LRRTM4: variants seen among roughly 807,000 people sequenced by gnomAD.
The protein encoded by LRRTM4 is leucine-rich repeat transmembrane neuronal protein 4.
In LRRTM4, 25 loss-of-function variants were observed where a neutral mutation model predicts 47.6. The ratio of observed to expected loss-of-function variants is 0.53; its 90% CI spans 0.38 to 0.73. The LOEUF (loss-of-function observed/expected upper bound fraction) is 0.73, where lower values mean the gene tolerates loss of function less well. Ranked by LOEUF, LRRTM4 falls within the 30% of genes least tolerant of loss-of-function variation. The pLI is 0.00. For synonymous variants in LRRTM4, 311 were observed against 269.5 expected (o/e 1.15, Z -1.51); for missense variants, 638 against 713.4 (o/e 0.89, Z 1.20).
intron 3 of LRRTM4, among the ~76,000 whole-genome samples, chr2:76,757,133 G>C (rs185428776): frequency 1.4e-3 from 211 of 152,148 alleles, no homozygotes; most frequent in Admixed American, 4.3e-3. Flanking sequence ...GTGTATAGCA[G>C]ATTGAGCACG....
At chr2:77,423,778 G>A (rs1339423556) in intron 3 of LRRTM4, among the ~76,000 whole-genome samples, 1 of 152,058 alleles carries the variant, frequency 6.6e-6, no homozygotes, top group Admixed American at 6.6e-5. Flanking sequence ...GAAAATATGA[G>A]TTTCATTTTC....
intron 3 of LRRTM4, among the ~76,000 whole-genome samples, chr2:77,035,596 A>ATT (rs1292299234): frequency 6.6e-6 from 1 of 151,902 alleles, no homozygotes; most frequent in Non-Finnish European, 1.5e-5. Flanking sequence ...AAGCTGTTAT[A>ATT]ATTTTGTTAT....
At chr2:76,817,848 G>T (rs558061975) in intron 3 of LRRTM4, among the ~76,000 whole-genome samples, 1 of 151,956 alleles carries the variant, frequency 6.6e-6, no homozygotes, top group Non-Finnish European at 1.5e-5. Context: ...CTTAAGATAT[G>T]CCATGTTAGT....
chr2:77,218,145 C>T (rs906243431), intron 3 of LRRTM4, among the ~76,000 whole-genome samples: 4 of 152,112 alleles, frequency 2.6e-5, no homozygotes, highest in Admixed American at 2.0e-4. Flanking sequence ...CAGGCATGTG[C>T]CGCCATGCCT....
At chr2:76,960,167 T>C (rs1035701857) in intron 3 of LRRTM4, among the ~76,000 whole-genome samples, 4 of 151,350 alleles carry the variant, frequency 2.6e-5, no homozygotes, top group African/African-American at 9.7e-5. Flanking sequence ...CATTCTACCA[T>C]ATTTGAAAAA....
At chr2:76,913,313 T>G (rs1316061160) in intron 3 of LRRTM4, among the ~76,000 whole-genome samples, 1 of 152,056 alleles carries the variant, frequency 6.6e-6, no homozygotes, top group Non-Finnish European at 1.5e-5. Context: ...CTGGGTATTT[T>G]TTTTTCTAAA....
At chr2:76,898,981 C>T (rs2103737381) in intron 3 of LRRTM4, among the ~76,000 whole-genome samples, 1 of 152,044 alleles carries the variant, frequency 6.6e-6, no homozygotes, top group African/African-American at 2.4e-5. Flanking sequence ...AGGATGTTCT[C>T]TTTGATTAAT....
intron 3 of LRRTM4, among the ~76,000 whole-genome samples, chr2:76,943,216 A>G (rs1351311625): frequency 1.3e-5 from 2 of 152,122 alleles, no homozygotes; most frequent in Non-Finnish European, 2.9e-5. Flanking sequence ...TCAGAACACC[A>G]ATATTTTTAA....
intron 3 of LRRTM4, among the ~76,000 whole-genome samples, chr2:77,470,850 G>A (rs2103992275): frequency 6.6e-6 from 1 of 152,144 alleles, no homozygotes; most frequent in South Asian, 2.1e-4. Flanking sequence ...AAAAACCATA[G>A]GAAATTTTGT....
At chr2:76,897,413 C>G (rs751299453) in intron 3 of LRRTM4, among the ~76,000 whole-genome samples, 2 of 151,992 alleles carry the variant, frequency 1.3e-5, no homozygotes, top group African/African-American at 2.4e-5. Flanking sequence ...ATAAATAAAA[C>G]AAAAATGAAT....
intron 3 of LRRTM4, among the ~76,000 whole-genome samples, chr2:77,433,782 A>G (rs544389165): frequency 5.9e-5 from 9 of 152,306 alleles, no homozygotes; most frequent in Non-Finnish European, 1.2e-4. Flanking sequence ...TTCACAAGCC[A>G]CTGGGATGCT....
At chr2:77,027,165 A>C (rs768708712) in intron 3 of LRRTM4, among the ~76,000 whole-genome samples, 1 of 151,974 alleles carries the variant, frequency 6.6e-6, no homozygotes, top group South Asian at 2.1e-4. Context: ...ACTAGACATA[A>C]ATCTCCTTTT....
intron 3 of LRRTM4, among the ~76,000 whole-genome samples, chr2:76,804,357 G>A (rs1675854439): frequency 6.6e-6 from 1 of 152,080 alleles, no homozygotes; most frequent in East Asian, 1.9e-4. Flanking sequence ...TGCGTTGCTT[G>A]AAATTTTATT....
intron 3 of LRRTM4, among the ~76,000 whole-genome samples, chr2:76,885,462 CTTTT>C (rs775279021): frequency 1.5e-5 from 2 of 135,588 alleles, no homozygotes; most frequent in African/African-American, 2.7e-5. Flanking sequence ...CAAAAACATG[CTTTT>C]TTTTTTTTTT....
At chr2:77,066,813 G>T (rs781579174) in intron 3 of LRRTM4, among the ~76,000 whole-genome samples, 3 of 152,216 alleles carry the variant, frequency 2.0e-5, no homozygotes, top group Non-Finnish European at 4.4e-5. Context: ...TGTGACATTT[G>T]GTTGAATTTG....
intron 3 of LRRTM4, among the ~76,000 whole-genome samples, chr2:77,250,649 GA>G (rs1413749739): frequency 3.9e-5 from 6 of 152,084 alleles, no homozygotes; most frequent in African/African-American, 1.4e-4. Flanking sequence ...AAATTGTACA[GA>G]AAAATATAAA....
At chr2:77,028,770 T>C (rs943745449) in intron 3 of LRRTM4, among the ~76,000 whole-genome samples, 1 of 151,878 alleles carries the variant, frequency 6.6e-6, no homozygotes, top group African/African-American at 2.4e-5. Flanking sequence ...GCGCGGTGGC[T>C]CACTCCTGTA....
At chr2:77,446,755 C>A (rs1331770317) in intron 3 of LRRTM4, among the ~76,000 whole-genome samples, 2 of 151,992 alleles carry the variant, frequency 1.3e-5, no homozygotes, top group Non-Finnish European at 1.5e-5. Context: ...CCAAGATATG[C>A]CATTTTTCTC....
intron 3 of LRRTM4, among the ~76,000 whole-genome samples, chr2:77,090,905 C>T (rs369302289): frequency 1.3e-5 from 2 of 152,084 alleles, no homozygotes; most frequent in African/African-American, 4.8e-5. Flanking sequence ...CTTCAGGTAA[C>T]TCTCACAGTG....
Sources: allele counts gnomAD v4.1 joint callset (sites outside exome capture counted in the v4.1 genomes callset), GRCh38; gene constraint gnomAD v4.1.1; transcripts MANE v1.5; gene names NCBI Gene and HGNC (gene_info 2026-07-23, HGNC 2026-07-21).